GRAMD1B: variants seen among roughly 807,000 people sequenced by gnomAD.
The protein encoded by GRAMD1B is GRAM domain containing 1B.
A neutral mutation model predicts 99.7 loss-of-function variants in GRAMD1B; 37 were observed. That is an observed-to-expected ratio of 0.37 (90% CI 0.29 to 0.49). The LOEUF is 0.49. GRAMD1B is among the 20% of genes least tolerant of loss of function. GRAMD1B has a pLI of 0.98. For synonymous variants in GRAMD1B, 427 were observed against 387.6 expected (o/e 1.10, Z -1.19); for missense variants, 888 against 1,009.2 (o/e 0.88, Z 1.63).
intron 1 of GRAMD1B, among the ~76,000 whole-genome samples, chr11:123,412,416 A>G (rs912966655): frequency 6.6e-6 from 1 of 152,224 alleles, no homozygotes; most frequent in African/African-American, 2.4e-5. Context: ...TGATGTGCAT[A>G]TTATTTTTCC....
intron 2 of GRAMD1B, among the ~76,000 whole-genome samples, chr11:123,530,989 T>TA (rs1160951696): frequency 6.6e-6 from 1 of 152,182 alleles, no homozygotes; most frequent in African/African-American, 2.4e-5. Context: ...GCTTCCTTTT[T>TA]AGTAATGGTT....
At chr11:123,563,281 A>G (rs576830149) in intron 2 of GRAMD1B, among the ~76,000 whole-genome samples, 40 of 152,328 alleles carry the variant, frequency 2.6e-4, no homozygotes, top group Non-Finnish European at 4.6e-4. Context: ...AATGAGTTAC[A>G]CATCAATTAG....
At chr11:123,364,965 A>C (rs1345501753) in intron 1 of GRAMD1B, among the ~76,000 whole-genome samples, 1 of 152,254 alleles carries the variant, frequency 6.6e-6, no homozygotes, top group Admixed American at 6.5e-5. Flanking sequence ...GCCGATAAAA[A>C]AAATCACCTT....
At chr11:123,435,553 T>G in intron 1 of GRAMD1B, 1 of 665,866 alleles carries the variant, frequency 1.5e-6, no homozygotes, top group Non-Finnish European at 2.7e-6. Flanking sequence ...ACAGCATGGC[T>G]TACTAACTTT....
At chr11:123,479,219 G>A (rs549660468) in intron 1 of GRAMD1B, among the ~76,000 whole-genome samples, 2 of 152,334 alleles carry the variant, frequency 1.3e-5, no homozygotes, top group East Asian at 3.9e-4. Flanking sequence ...GTGTGGTAAC[G>A]TGTATGGTTT....
chr11:123,544,367 C>T (rs1356810929), intron 2 of GRAMD1B, among the ~76,000 whole-genome samples: 1 of 152,250 alleles, frequency 6.6e-6, no homozygotes, highest in East Asian at 1.9e-4. Context: ...AACCACCCCA[C>T]TGCTTCCAAC....
intron 2 of GRAMD1B, among the ~76,000 whole-genome samples, chr11:123,530,282 A>G (rs1383239010): frequency 1.3e-5 from 2 of 151,342 alleles, no homozygotes; most frequent in African/African-American, 2.4e-5. Context: ...TCAGTTGCCT[A>G]CTGTACCCAT....
At chr11:123,396,551 C>T (rs1413296449) in intron 1 of GRAMD1B, among the ~76,000 whole-genome samples, 6 of 152,196 alleles carry the variant, frequency 3.9e-5, no homozygotes, top group Non-Finnish European at 5.9e-5. Flanking sequence ...GCTGGGATTA[C>T]AGGCATGAGC....
chr11:123,534,588 C>T (rs769806627), intron 2 of GRAMD1B, among the ~76,000 whole-genome samples: 28 of 152,076 alleles, frequency 1.8e-4, no homozygotes, highest in African/African-American at 3.1e-4. Context: ...GCAGGCCTGG[C>T]GCAGTGGCTC....
intron 1 of GRAMD1B, among the ~76,000 whole-genome samples, chr11:123,463,967 G>A (rs1462664846): frequency 1.3e-5 from 2 of 152,112 alleles, no homozygotes; most frequent in African/African-American, 4.8e-5. Flanking sequence ...GACATTATAG[G>A]AAGACTTCAA....
Position 123,532,470 on chromosome 11 carries a change from T to G in GRAMD1B, c.453-44897T>G, listed in dbSNP as rs146529683. On this transcript the variant is annotated intron_variant, in intron 2 of 19. Transcript: ENST00000635736. Reference sequence around the variant, plus strand: ...GAGAACTGGAAATATGAGTGAGCACTCATCATACATACCACTACTGCACAG... The same window carrying G: ...GAGAACTGGAAATATGAGTGAGCACGCATCATACATACCACTACTGCACAG... Among the ~76,000 whole-genome samples, 1,491 of 152,348 alleles carry G rather than the reference T, an allele frequency of 9.8e-3. 12 individuals carry two copies. Among genetic ancestry groups the G allele is most frequent in the Non-Finnish European group, 0.015 (1,012 of 68,040 alleles).
rs1182708368 is a variant in GRAMD1B at position 123,591,310 on chromosome 11, A to C, written c.685-2772A>C. On this transcript the variant is annotated intron_variant, in intron 4 of 19. Coordinates refer to ENST00000635736, the MANE Select transcript of GRAMD1B (RefSeq NM_001387025.1). This position sits in a 1 kb window ranked among gnomAD's most constrained non-coding sequence, Gnocchi z 4.7. ...CCCATCCACAGTCAAGCCAGGGGAG[A>C]CCAGTTGTTTTCATCGTGTGGGGAC... 1.3e-5 allele frequency: 5 copies of C among 397,978 alleles called. No individual in the cohort carries two copies. The highest frequency in any genetic ancestry group is 1.8e-5 in the Non-Finnish European group (4 of 225,984). 24.7% of individuals were successfully genotyped at this position (397,978 alleles called of 1,614,324 possible). A position where few individuals can be genotyped will look rare whatever the true frequency, so the allele number is the denominator to read the frequency against.
At position 123,367,326 on chromosome 11, in the gene GRAMD1B, A is replaced by G. The variant is rs1202844650; in HGVS notation, c.-176+8527A>G. Among the ~76,000 whole-genome samples, 4 of 152,250 alleles carry G rather than the reference A, an allele frequency of 2.6e-5. No homozygotes were observed. The East Asian group carries it at 7.7e-4, about 29-fold the overall frequency. ...GATAAACGTAAAGCAGAAGAGTCAG[A>G]CACCTTGTTAATGACTACGAAGAGG... On this transcript the variant is annotated intron_variant, in intron 1 of 20. Transcript: ENST00000638157.
chr11:123,475,745 C>T (rs73612057), intron 1 of GRAMD1B, among the ~76,000 whole-genome samples: 1,744 of 152,274 alleles, frequency 0.011, 34 homozygotes, highest in African/African-American at 0.039. Context: ...TTCTTTTCAA[C>T]CTCCTGAATC....
At chr11:123,406,118 G>T (rs1407515156) in intron 1 of GRAMD1B, among the ~76,000 whole-genome samples, 1 of 151,352 alleles carries the variant, frequency 6.6e-6, no homozygotes, top group East Asian at 1.9e-4. Context: ...GGGTTCAAAT[G>T]ATTTCTGGCT....
At chr11:123,411,149 C>T (rs1001848825) in intron 1 of GRAMD1B, among the ~76,000 whole-genome samples, 2 of 151,832 alleles carry the variant, frequency 1.3e-5, no homozygotes, top group East Asian at 1.9e-4. Flanking sequence ...GGACTATAGG[C>T]GCCCGCCACC....
intron 7 of GRAMD1B, among the ~76,000 whole-genome samples, chr11:123,600,004 G>A (rs1402971985): frequency 6.6e-6 from 1 of 152,178 alleles, no homozygotes; most frequent in Non-Finnish European, 1.5e-5. Flanking sequence ...ATCTCTTTCT[G>A]TGTTGTTTCT....
intron 3 of GRAMD1B, among the ~76,000 whole-genome samples, chr11:123,579,361 G>A (rs1949079812): frequency 6.6e-6 from 1 of 152,212 alleles, no homozygotes; most frequent in South Asian, 2.1e-4. Flanking sequence ...CCTTTCCTAA[G>A]GGAAGCACAA....
intron 3 of GRAMD1B, among the ~76,000 whole-genome samples, chr11:123,577,852 A>G (rs997470161): frequency 3.3e-5 from 5 of 151,622 alleles, no homozygotes; most frequent in African/African-American, 1.2e-4. Context: ...GGGAATCATT[A>G]GGGGGTCATC....
Sources: allele counts gnomAD v4.1 joint callset (sites outside exome capture counted in the v4.1 genomes callset), GRCh38; gene constraint gnomAD v4.1.1; non-coding constraint Gnocchi (gnomAD v3.1); transcripts MANE v1.5; gene names NCBI Gene and HGNC (gene_info 2026-07-23, HGNC 2026-07-21).